EEPD1: variants seen among roughly 807,000 people sequenced by gnomAD.
EEPD1 encodes endonuclease/exonuclease/phosphatase family domain-containing protein 1.
EEPD1 carries 17 observed loss-of-function variants against 46.3 expected under a neutral mutation model. That is an observed-to-expected ratio of 0.37 (90% CI 0.25 to 0.55). EEPD1 has a LOEUF of 0.55. EEPD1 is among the 20% of genes least tolerant of loss of function. The pLI, the probability that EEPD1 is intolerant of heterozygous loss-of-function variation, is 0.83. For missense variants in EEPD1, 673 were observed against 745.6 expected (o/e 0.90, Z 1.13); for synonymous variants, 313 against 315.6 (o/e 0.99, Z 0.09).
intron 4 of EEPD1, among the ~76,000 whole-genome samples, chr7:36,283,431 G>A (rs756343836): frequency 1.3e-4 from 20 of 152,150 alleles, no homozygotes; most frequent in Non-Finnish European, 2.5e-4. Flanking sequence ...AAGATGACTC[G>A]AGTGATGCTT....
At chr7:36,284,362 C>A (rs370830437) in intron 4 of EEPD1, among the ~76,000 whole-genome samples, 1 of 152,220 alleles carries the variant, frequency 6.6e-6, no homozygotes, top group African/African-American at 2.4e-5. Flanking sequence ...GAAATGGAAG[C>A]ATGAATTGCT....
intron 2 of EEPD1, among the ~76,000 whole-genome samples, chr7:36,161,519 G>A (rs946101411): frequency 6.6e-6 from 1 of 152,036 alleles, no homozygotes; most frequent in Non-Finnish European, 1.5e-5. Flanking sequence ...CTGAAAGTCA[G>A]CATCCACCCT....
Position 36,155,069 on chromosome 7 carries a change from G to C in EEPD1, c.745G>C (p.Glu249Gln), listed in dbSNP as rs1487746650. ...GATTATCTCCACTCGGCCGTCCGTG[G>C]AGGCCTTTGGAGGCACAAGGGATGG... ...TQIISTRPSV[E>Q]AFGGTRDGRP... The change falls in exon 2 of 8, where the codon GAG becomes CAG. Residue 249 changes from glutamate to glutamine, a missense_variant. By Grantham distance (29) the Glu-to-Gln change is conservative (BLOSUM62 2). Coordinates refer to ENST00000242108, the MANE Select transcript of EEPD1 (RefSeq NM_030636.3). 6.3e-7 allele frequency: 1 copy of C among 1,590,526 alleles called. No homozygotes were observed. The highest frequency in any genetic ancestry group is 8.6e-7 in the Non-Finnish European group (1 of 1,166,910).
chr7:36,165,070 C>G (rs928150638), intron 2 of EEPD1, among the ~76,000 whole-genome samples: 7 of 151,998 alleles, frequency 4.6e-5, no homozygotes, highest in Admixed American at 1.3e-4. Context: ...TTAGTGTAGC[C>G]TAAGTGCACA....
At chr7:36,232,172 TG>T (rs59720384) in intron 2 of EEPD1, among the ~76,000 whole-genome samples, 2 of 140,708 alleles carry the variant, frequency 1.4e-5, no homozygotes, top group African/African-American at 5.3e-5. Flanking sequence ...TTTATGTTGC[TG>T]GTTTTTTTTT....
intron 3 of EEPD1, among the ~76,000 whole-genome samples, chr7:36,258,110 G>A (rs954085205): frequency 9.2e-5 from 14 of 152,276 alleles, no homozygotes; most frequent in Admixed American, 6.5e-4. Flanking sequence ...TGGAGTTTGC[G>A]GGAGGTCCAC....
At chr7:36,282,665 A>G (rs1225478766) in intron 4 of EEPD1, among the ~76,000 whole-genome samples, 1 of 152,242 alleles carries the variant, frequency 6.6e-6, no homozygotes, top group Non-Finnish European at 1.5e-5. Context: ...GGATTTTAAA[A>G]GATACTATGC....
At chr7:36,239,696 G>T (rs1786521360) in intron 3 of EEPD1, among the ~76,000 whole-genome samples, 1 of 152,036 alleles carries the variant, frequency 6.6e-6, no homozygotes, top group African/African-American at 2.4e-5. Flanking sequence ...GGGATTTTTT[G>T]CCAGTTGTGG....
At chr7:36,206,878 G>T (rs535063759) in intron 2 of EEPD1, among the ~76,000 whole-genome samples, 1 of 152,090 alleles carries the variant, frequency 6.6e-6, no homozygotes, top group Non-Finnish European at 1.5e-5. Context: ...GTGAAACACC[G>T]TCTCTACCAA....
chr7:36,208,909 C>A (rs1278554994), intron 2 of EEPD1, among the ~76,000 whole-genome samples: 2 of 152,168 alleles, frequency 1.3e-5, no homozygotes, highest in Non-Finnish European at 2.9e-5. Context: ...AAACGGGGTC[C>A]AGCAGTCTGT....
At chr7:36,173,325 T>TAAAAAA (rs34007011) in intron 2 of EEPD1, among the ~76,000 whole-genome samples, 1 of 103,604 alleles carries the variant, frequency 9.7e-6, no homozygotes, top group Non-Finnish European at 1.8e-5. Context: ...CGTTTATACT[T>TAAAAAA]AAAAAAAAAA....
chr7:36,223,675 C>T lies in EEPD1; in HGVS notation c.879-15310C>T, dbSNP rs138817629. On this transcript the variant is annotated intron_variant, in intron 2 of 7. Transcript: ENST00000242108. ...GGACCCTGAATAAGCCACTTCATTG[C>T]TCTGAAGCTGTAAAATAGAAATCGA... Among the ~76,000 whole-genome samples the T allele has an allele frequency of 4.6e-3, 704 of 152,312 alleles. 2 individuals carry two copies. The highest frequency in any genetic ancestry group is 0.027 in the Middle Eastern group (8 of 294).
chr7:36,241,191 G>C (rs1389957224), intron 3 of EEPD1, among the ~76,000 whole-genome samples: 1 of 152,090 alleles, frequency 6.6e-6, no homozygotes, highest in Non-Finnish European at 1.5e-5. Context: ...AAAACCATCA[G>C]ATGGCTGGGT....
intron 6 of EEPD1, among the ~76,000 whole-genome samples, chr7:36,293,533 G>A (rs1787480588): frequency 6.6e-6 from 1 of 152,104 alleles, no homozygotes; most frequent in South Asian, 2.1e-4. Context: ...AACTCCTGAT[G>A]CCCCAAGGGC....
Position 36,284,695 on chromosome 7 carries a change from T to C in EEPD1, c.1051T>C (p.Tyr351His). The C allele has an allele frequency of 1.9e-6, 3 of 1,612,120 alleles. No individual in the cohort carries two copies. The South Asian group carries it at 3.3e-5, about 18-fold the overall frequency. Reference sequence around the variant, plus strand: ...TCCCTCTCCGCTGCAGGGAGCTGGGTATGCAGGATTCCTATGGGACGCGGC... The same window carrying C: ...TCCCTCTCCGCTGCAGGGAGCTGGGCATGCAGGATTCCTATGGGACGCGGC... ...PSSQLQKGAGYAGFLWDAAAG... is the reference protein window; with the variant it reads ...PSSQLQKGAGHAGFLWDAAAG... The change falls in exon 5 of 8, where the codon TAT becomes CAT. Residue 351 changes from tyrosine (Y) to histidine (H), a missense_variant. Physicochemically the swap from Tyr to His is moderately conservative, Grantham distance 83. Transcript: ENST00000242108.
chr7:36,225,476 A>G lies in EEPD1; in HGVS notation c.879-13509A>G, dbSNP rs1231795414. ...AATATCAAAGGCCTCACTCAACCAC[A>G]TTCTGAACAAACTCAGAAAGAGACG... On this transcript the variant is annotated intron_variant, in intron 2 of 7. Coordinates refer to ENST00000242108, the MANE Select transcript of EEPD1 (RefSeq NM_030636.3). The surrounding 1 kb of genome is among the most constrained non-coding windows in gnomAD (Gnocchi z 4.2). Among the ~76,000 whole-genome samples the G allele has an allele frequency of 1.3e-5, 2 of 152,192 alleles. No homozygotes were observed. The highest frequency in any genetic ancestry group is 2.4e-5 in the African/African-American group (1 of 41,448).
intron 3 of EEPD1, among the ~76,000 whole-genome samples, chr7:36,239,905 G>A (rs1049676495): frequency 6.6e-6 from 1 of 152,236 alleles, no homozygotes; most frequent in African/African-American, 2.4e-5. Context: ...TGAAGCAACA[G>A]CACCCAAACG....
rs545848074 is a variant in EEPD1 at position 36,222,817 on chromosome 7, T to C, written c.879-16168T>C. 2.6e-5 allele frequency among the ~76,000 whole-genome samples: 4 copies of C among 152,258 alleles called. No individual in the cohort carries two copies. In the South Asian group the frequency reaches 8.3e-4, roughly 32 times the overall value. ...ATAAAGTCACTAAACCCTCATGTCC[T>C]AATCACCTCCCAAAGGCCTCACCTC... On this transcript the variant is annotated intron_variant, in intron 2 of 7. Coordinates refer to ENST00000242108, the MANE Select transcript of EEPD1 (RefSeq NM_030636.3).
chr7:36,238,480 A>G (rs974416997), intron 2 of EEPD1, among the ~76,000 whole-genome samples: 1 of 152,210 alleles, frequency 6.6e-6, no homozygotes, highest in African/African-American at 2.4e-5. Context: ...ATCTCATATA[A>G]GTGGGATCGT....
Sources: allele counts gnomAD v4.1 joint callset (sites outside exome capture counted in the v4.1 genomes callset), GRCh38; gene constraint gnomAD v4.1.1; non-coding constraint Gnocchi (gnomAD v3.1); transcripts MANE v1.5; gene names NCBI Gene and HGNC (gene_info 2026-07-23, HGNC 2026-07-21).